Variants in GTF2H2 observed in about 807,000 individuals in gnomAD.
GTF2H2 encodes general transcription factor IIH subunit 2.
A neutral mutation model predicts 16.5 loss-of-function variants in GTF2H2; 2 were observed. That is an observed-to-expected ratio of 0.12 (90% confidence interval 0.05 to 0.38). GTF2H2 has a LOEUF of 0.38. Among genes scored for constraint, GTF2H2 ranks in the 10% least tolerant of loss-of-function variants. The probability of loss-of-function intolerance (pLI) is 0.99; values close to 1 mark genes in which losing one functional copy is unlikely to be tolerated. For missense variants in GTF2H2, 20 were observed against 137.0 expected, an observed-to-expected ratio of 0.15 and a Z score of 4.26; for synonymous variants, 8 against 44.1, an observed-to-expected ratio of 0.18 and a Z score of 3.24.
intron 12 of GTF2H2, among the ~76,000 whole-genome samples, chr5:71,044,049 G>C (rs1332246104): frequency 7.4e-6 from 1 of 135,616 alleles, no homozygotes; most frequent in Admixed American, 7.9e-5. Flanking sequence ...ACTTTGGTAG[G>C]CTGGTCTAGA....
rs1170988410 is a variant in GTF2H2, at chr5:71,053,712, T to C, written c.470+1640A>G. Among the ~76,000 whole-genome samples the C allele has an allele frequency of 4.3e-5, 6 of 138,022 alleles. No individual in the cohort carries two copies. In the East Asian group the frequency reaches 7.9e-4, roughly 18 times the overall value. The allele number at this position is 138,022 out of a possible 152,430, so 90.5% of individuals were successfully genotyped here. A position where few individuals can be genotyped will look rare whatever the true frequency, so the allele number is the denominator to read the frequency against. On this transcript the variant is annotated intron_variant, in intron 8 of 15. Coordinates refer to ENST00000274400, the Ensembl canonical transcript of GTF2H2. The stretch of plus-strand genomic sequence containing the variant: ...CACCTATGATCAATAATGTATAAAT[T>C]AGGCACAATAAGAGATTAACAACAA...
chr5:71,057,446 T>C (rs1753338462), intron 7 of GTF2H2, among the ~76,000 whole-genome samples: 1 of 143,202 alleles, frequency 7.0e-6, no homozygotes, highest in South Asian at 2.2e-4. Flanking sequence ...GTGTGAATCA[T>C]GTCTTCTTTG....
chr5:71,058,530 A>T (rs1264812679), intron 7 of GTF2H2: 1 of 142,088 alleles, frequency 7.0e-6, no homozygotes, highest in Non-Finnish European at 1.5e-5. Context: ...CAATTAAGAG[A>T]CATCTTTTCA....
At chr5:71,055,048 C>T (rs1379370529) in intron 8 of GTF2H2, 1 of 188,522 alleles carries the variant, frequency 5.3e-6, no homozygotes, top group Non-Finnish European at 1.0e-5. Context: ...AACCAACTTA[C>T]AATTATTATA....
intron 8 of GTF2H2, among the ~76,000 whole-genome samples, chr5:71,054,498 C>T (rs1436575114): frequency 6.9e-6 from 1 of 144,660 alleles, no homozygotes; most frequent in Non-Finnish European, 1.5e-5. Context: ...AGTTCAAGAC[C>T]AGCCTGGCTA....
chr5:71,063,948 G>GA (rs1753746702), intron 1 of GTF2H2, among the ~76,000 whole-genome samples: 1 of 115,344 alleles, frequency 8.7e-6, no homozygotes, highest in South Asian at 3.5e-4. Flanking sequence ...ACTAAAAATA[G>GA]AAAAAAATTA....
intron 8 of GTF2H2, among the ~76,000 whole-genome samples, chr5:71,054,549 G>C (rs1186025452): frequency 1.4e-5 from 2 of 143,338 alleles, no homozygotes; most frequent in African/African-American, 5.4e-5. Flanking sequence ...ACAAAAATTG[G>C]CTGGGCATGG....
intron 7 of GTF2H2, among the ~76,000 whole-genome samples, chr5:71,057,302 G>A (rs1753322846): frequency 8.1e-6 from 1 of 124,008 alleles, no homozygotes; most frequent in Non-Finnish European, 1.7e-5. Flanking sequence ...TTTCTCTGTG[G>A]TTCCACAAGC....
chr5:71,046,593 T>C (rs550663326), intron 11 of GTF2H2, among the ~76,000 whole-genome samples: 39 of 137,502 alleles, frequency 2.8e-4, no homozygotes, highest in Admixed American at 1.7e-3. Flanking sequence ...TTAAAAGTTA[T>C]ACTTTTTTCA....
In GTF2H2 at chr5:71,048,131, GA is replaced by G. The variant is rs761806429; in HGVS notation, c.650-19del. 107 of 531,622 alleles carry G rather than the reference GA, an allele frequency of 2.0e-4. 5 individuals are homozygous for G. Among genetic ancestry groups the G allele is most frequent in the South Asian group, 3.4e-4 (10 of 29,000 alleles). 32.9% of individuals were successfully genotyped at this position (531,622 alleles called of 1,614,324 possible). On this transcript the variant is annotated intron_variant, in intron 10 of 15. Transcript: ENST00000274400. Reference sequence around the variant, plus strand: ...GTACGTGCCTAACAAGATGAAAAGGGAAAAAAAAACACCTTCATAGACATAA... The same window carrying G: ...GTACGTGCCTAACAAGATGAAAAGGGAAAAAAAACACCTTCATAGACATAA...
intron 11 of GTF2H2, among the ~76,000 whole-genome samples, chr5:71,045,845 C>CT (rs1752298910): frequency 2.2e-5 from 3 of 133,566 alleles, no homozygotes; most frequent in Non-Finnish European, 4.7e-5. Flanking sequence ...CCTCCACTGC[C>CT]TGGGTTCAAG....
At chr5:71,037,760 T>G (rs1449232249) in intron 14 of GTF2H2, among the ~76,000 whole-genome samples, 1 of 68,502 alleles carries the variant, frequency 1.5e-5, no homozygotes, top group South Asian at 7.6e-4. Context: ...TCACCTCAGG[T>G]CAGGAGTTCG....
At chr5:71,054,157 C>T (rs1472775387) in intron 8 of GTF2H2, among the ~76,000 whole-genome samples, 1 of 144,592 alleles carries the variant, frequency 6.9e-6, no homozygotes, top group African/African-American at 2.7e-5. Context: ...ATATTGCATA[C>T]CATTTAATTA....
At chr5:71,054,757 A>G (rs1167838756) in intron 8 of GTF2H2, among the ~76,000 whole-genome samples, 32 of 129,580 alleles carry the variant, frequency 2.5e-4, no homozygotes, top group Admixed American at 3.1e-4. Flanking sequence ...GTGTGTATAT[A>G]TATAATAGAT....
rs899668963 is a variant in GTF2H2, at chr5:71,036,891, AATT to A, written c.1068+613_1068+615del. On this transcript the variant is annotated intron_variant, in intron 15 of 15. Transcript: ENST00000274400. Reference sequence around the variant, plus strand: ...GTGACAGTGGAAGAGCAATACTTCTAATTATTATTTTATATAATATATATAGTT... The same window carrying A: ...GTGACAGTGGAAGAGCAATACTTCTAATTATTTTATATAATATATATAGTT... Among the ~76,000 whole-genome samples the A allele has an allele frequency of 7.8e-5, 6 of 77,252 alleles. 1 individual carries two copies. The highest frequency in any genetic ancestry group is 2.7e-4 in the African/African-American group (6 of 22,538). 50.7% of individuals were successfully genotyped at this position (77,252 alleles called of 152,430 possible).
intron 8 of GTF2H2, among the ~76,000 whole-genome samples, chr5:71,054,854 T>C (rs1753078077): frequency 7.3e-6 from 1 of 136,914 alleles, no homozygotes; most frequent in Non-Finnish European, 1.6e-5. Flanking sequence ...ATAATATGTA[T>C]ATAAAGCTTA....
At chr5:71,057,517 T>G (rs1229416231) in intron 7 of GTF2H2, among the ~76,000 whole-genome samples, 1 of 126,752 alleles carries the variant, frequency 7.9e-6, no homozygotes, top group Non-Finnish European at 1.7e-5. Flanking sequence ...TTTAAAATAT[T>G]AACCATTTGT....
intron 14 of GTF2H2, among the ~76,000 whole-genome samples, chr5:71,040,034 ATCTT>A (rs1267939698): frequency 2.3e-5 from 1 of 44,144 alleles, no homozygotes; most frequent in Non-Finnish European, 4.5e-5. Context: ...AAAAAAGAAA[ATCTT>A]AAATATCCAA....
At chr5:71,039,557 T>C (rs1317274973) in intron 14 of GTF2H2, among the ~76,000 whole-genome samples, 1 of 146,010 alleles carries the variant, frequency 6.8e-6, no homozygotes, top group Non-Finnish European at 1.5e-5. Context: ...TCCTACTTTT[T>C]TTCTTTTTTT....
Sources: gnomAD v4.1 joint callset for allele counts (sites outside exome capture counted in the v4.1 genomes callset) on GRCh38, gnomAD v4.1.1 for gene constraint, MANE v1.5 for transcripts, NCBI Gene and HGNC (gene_info 2026-07-23, HGNC 2026-07-21) for gene names.